HM13: variants seen among roughly 807,000 people sequenced by gnomAD.
The protein encoded by HM13 is signal peptide peptidase.
In HM13, 18 loss-of-function variants were observed where a neutral mutation model predicts 50.0. The ratio of observed to expected loss-of-function variants is 0.36; its 90% CI spans 0.25 to 0.53. The LOEUF (loss-of-function observed/expected upper bound fraction) is 0.53. Among genes scored for constraint, HM13 ranks in the 20% least tolerant of loss-of-function variants. HM13 has a pLI of 0.90. For missense variants in HM13, 393 were observed against 552.4 expected (o/e 0.71, Z 2.89); for synonymous variants, 197 against 232.6 (o/e 0.85, Z 1.39).
rs984020640 is a variant in HM13 at position 31,547,488 on chromosome 20, C to G, written c.455-1541C>G. ...TTCCGTTTGTTTCCCTGTTGTCGCC[C>G]GCTTCACCCTGGATCATGTTCAAGA... is the stretch of plus-strand genomic sequence containing the variant. On this transcript the variant is annotated intron_variant, in intron 4 of 12. Transcript: ENST00000398174. The G allele has an allele frequency of 1.1e-5, 7 of 647,642 alleles. No homozygotes were observed. The East Asian group carries it at 1.8e-4, about 16-fold the overall frequency. 40.1% of individuals were successfully genotyped at this position (647,642 alleles called of 1,614,324 possible). A position where few individuals can be genotyped will look rare whatever the true frequency, so the allele number is the denominator to read the frequency against.
intron 4 of HM13, among the ~76,000 whole-genome samples, chr20:31,545,823 T>TAATTGAGATTACAGGC (rs1194649298): frequency 5.3e-5 from 8 of 152,036 alleles, no homozygotes; most frequent in Non-Finnish European, 1.0e-4. Context: ...GCCAACTGAG[T>TAATTGAGATTACAGGC]AATTGAGATT....
At chr20:31,542,742 AC>A (rs1473549037) in intron 3 of HM13, among the ~76,000 whole-genome samples, 2 of 152,162 alleles carry the variant, frequency 1.3e-5, no homozygotes, top group Non-Finnish European at 2.9e-5. Context: ...GAGACTTGCT[AC>A]TTGAAGTTGA....
intron 3 of HM13, chr20:31,539,435 G>A (rs1983308901): frequency 1.0e-6 from 1 of 985,340 alleles, no homozygotes; most frequent in Admixed American, 6.2e-5. Context: ...ACAAAGGAGG[G>A]AGAGGTCAGG....
intron 1 of HM13, among the ~76,000 whole-genome samples, chr20:31,520,068 G>T (rs1358323563): frequency 1.3e-5 from 2 of 152,060 alleles, no homozygotes; most frequent in African/African-American, 4.8e-5. Context: ...TGTTGGCCAG[G>T]CTGGTCTCAA....
intron 2 of HM13, among the ~76,000 whole-genome samples, chr20:31,531,167 C>T (rs1435809198): frequency 6.6e-6 from 1 of 152,064 alleles, no homozygotes; most frequent in Non-Finnish European, 1.5e-5. Flanking sequence ...GCCTCAGCCT[C>T]CCAAGTAGCT....
chr20:31,566,347 G>A (rs369210454), intron 11 of HM13, 52 bp downstream of exon 11: 69 of 1,436,756 alleles, frequency 4.8e-5, no homozygotes, highest in Non-Finnish European at 6.4e-5. Flanking sequence ...GTGCCTGCTG[G>A]CAGTCAGTGG....
chr20:31,543,516 T>G (rs1241975566), intron 3 of HM13, among the ~76,000 whole-genome samples: 1 of 151,862 alleles, frequency 6.6e-6, no homozygotes, highest in African/African-American at 2.4e-5. Context: ...CTCGAACTCC[T>G]GACCTCAAGT....
chr20:31,568,530 T>C (rs1455764530), intron 12 of HM13, among the ~76,000 whole-genome samples: 1 of 152,240 alleles, frequency 6.6e-6, no homozygotes. Context: ...TTAGGCAAGT[T>C]ACTTTCTTCA....
chr20:31,562,550 A>G (rs1254901252), intron 10 of HM13: 2 of 152,124 alleles, frequency 1.3e-5, no homozygotes, highest in African/African-American at 4.8e-5. Flanking sequence ...GGGCTAAGGG[A>G]GCCCTGTTGT....
intron 1 of HM13, among the ~76,000 whole-genome samples, chr20:31,524,968 C>T (rs1982402733): frequency 6.6e-6 from 1 of 152,082 alleles, no homozygotes; most frequent in East Asian, 1.9e-4. Flanking sequence ...CTGCCTCGGC[C>T]TCCCAAAGTG....
intron 7 of HM13, among the ~76,000 whole-genome samples, chr20:31,552,213 G>A (rs1192393707): frequency 1.3e-5 from 2 of 152,150 alleles, no homozygotes; most frequent in African/African-American, 4.8e-5. Context: ...TCTTTTCTGG[G>A]TCATGAAGGA....
chr20:31,515,466 T>G (rs1392101105), intron 1 of HM13, among the ~76,000 whole-genome samples: 2 of 152,222 alleles, frequency 1.3e-5, no homozygotes, highest in Non-Finnish European at 2.9e-5. Context: ...CATCCAACCT[T>G]GGACATGGCC....
At chr20:31,553,230 A>G (rs1984123180) in intron 7 of HM13, among the ~76,000 whole-genome samples, 1 of 143,124 alleles carries the variant, frequency 7.0e-6, no homozygotes, top group Admixed American at 7.7e-5. Flanking sequence ...CGGGAGGCAG[A>G]GGTTGCAGTG....
chr20:31,553,295 C>CAAA (rs571430209), intron 7 of HM13, among the ~76,000 whole-genome samples: 16 of 114,174 alleles, frequency 1.4e-4, no homozygotes, highest in East Asian at 4.8e-4. Context: ...GACTCCATCT[C>CAAA]AAAAAAAAAA....
At position 31,554,377 on chromosome 20, in the gene HM13, CAAAA is replaced by C; in HGVS notation, c.725-358_725-355del. Among the ~76,000 whole-genome samples the C allele has an allele frequency of 1.5e-5, 2 of 137,684 alleles. 1 individual carries two copies. Among genetic ancestry groups the C allele is most frequent in the Middle Eastern group, 7.4e-3 (2 of 270 alleles). The allele number at this position is 137,684 out of a possible 152,430, so 90.3% of individuals were successfully genotyped here. On this transcript the variant is annotated intron_variant, in intron 7 of 12. Coordinates refer to ENST00000398174, the MANE Select transcript of HM13 (RefSeq NM_178581.3). ...CTGGGCAATAGAGCAAGCCCCGTCT[CAAAA>C]AAAAAAAAAATACAAAGTAGGCCGG... is the stretch of plus-strand genomic sequence containing the variant.
intron 2 of HM13, among the ~76,000 whole-genome samples, chr20:31,536,433 C>T (rs921744396): frequency 6.6e-6 from 1 of 152,034 alleles, no homozygotes; most frequent in African/African-American, 2.4e-5. Flanking sequence ...TCCCCTCCAT[C>T]CCCCCAAGCC....
chr20:31,536,425 C>T (rs541033216), intron 2 of HM13, among the ~76,000 whole-genome samples: 1 of 152,132 alleles, frequency 6.6e-6, no homozygotes, highest in African/African-American at 2.4e-5. Flanking sequence ...TCATCACTTC[C>T]CCTCCATCCC....
intron 11 of HM13, among the ~76,000 whole-genome samples, chr20:31,566,733 G>T (rs1984940594): frequency 6.6e-6 from 1 of 152,034 alleles, no homozygotes; most frequent in Non-Finnish European, 1.5e-5. Context: ...TAGAAGGCAG[G>T]TGTCAGTCCC....
intron 8 of HM13, among the ~76,000 whole-genome samples, chr20:31,558,798 A>G (rs569895587): frequency 5.9e-5 from 9 of 152,106 alleles, no homozygotes; most frequent in African/African-American, 2.2e-4. Flanking sequence ...ATCTCGGCTC[A>G]CTGCAACCTC....
Sources: allele counts gnomAD v4.1 joint callset (sites outside exome capture counted in the v4.1 genomes callset), GRCh38; gene constraint gnomAD v4.1.1; transcripts MANE v1.5; gene names NCBI Gene and HGNC (gene_info 2026-07-23, HGNC 2026-07-21).